Variants in HDAC9 observed in about 807,000 individuals in gnomAD.
HDAC9 encodes the protein MEF-2 interacting transcription repressor (MITR) protein.
HDAC9 carries 41 observed loss-of-function variants against 139.4 expected under a neutral mutation model. That is an observed-to-expected ratio of 0.29 (90% CI 0.23 to 0.38). The LOEUF (loss-of-function observed/expected upper bound fraction) is 0.38, where lower values mean the gene tolerates loss of function less well. Among genes scored for constraint, HDAC9 ranks in the 10% least tolerant of loss-of-function variants. The pLI is 1.00. For synonymous variants in HDAC9, 517 were observed against 476.2 expected, an observed-to-expected ratio of 1.09 and a Z score of -1.12; for missense variants, 1,147 against 1,297.0, an observed-to-expected ratio of 0.88 and a Z score of 1.78.
intron 6 of HDAC9, among the ~76,000 whole-genome samples, chr7:18,622,289 T>C (rs1260790222): frequency 6.6e-6 from 1 of 152,172 alleles, no homozygotes; most frequent in Non-Finnish European, 1.5e-5. Flanking sequence ...AATCATTGTA[T>C]ATCCCAAATA....
chr7:18,932,182 T>A (rs1435342951), intron 22 of HDAC9, among the ~76,000 whole-genome samples: 2 of 152,140 alleles, frequency 1.3e-5, no homozygotes, highest in Non-Finnish European at 2.9e-5. Flanking sequence ...GATTTAAAAA[T>A]TAAAATTTTT....
At chr7:18,646,367 TG>T (rs923012147) in intron 9 of HDAC9, among the ~76,000 whole-genome samples, 34 of 152,176 alleles carry the variant, frequency 2.2e-4, no homozygotes, top group Non-Finnish European at 4.7e-4. Flanking sequence ...TAATACGATT[TG>T]GTACCATTGG....
chr7:18,315,790 T>C (rs1799598221), intron 1 of HDAC9, among the ~76,000 whole-genome samples: 1 of 152,330 alleles, frequency 6.6e-6, no homozygotes. Flanking sequence ...ACTTTCTTCC[T>C]GGACAGATCC....
chr7:18,399,341 GA>G (rs966493935), intron 1 of HDAC9, among the ~76,000 whole-genome samples: 167 of 151,544 alleles, frequency 1.1e-3, no homozygotes, highest in African/African-American at 3.8e-3. Context: ...GTCACAAAAA[GA>G]AAAAAAATGA....
chr7:18,498,616 T>A (rs555911386), intron 2 of HDAC9, among the ~76,000 whole-genome samples: 13 of 152,182 alleles, frequency 8.5e-5, no homozygotes, highest in Non-Finnish European at 1.5e-4. Context: ...GTCTTTGGAT[T>A]TGAAAGAGAG....
intron 1 of HDAC9, among the ~76,000 whole-genome samples, chr7:18,383,742 T>C (rs1190508942): frequency 6.6e-6 from 1 of 150,744 alleles, no homozygotes; most frequent in East Asian, 1.9e-4. Context: ...TACAAAAAAT[T>C]AGCCGGCGTG....
Position 18,993,141 on chromosome 7 carries a change from T to TAG in HDAC9, c.3171-2882_3171-2881insAG, listed in dbSNP as rs1786130124. ...ATCTTTTTTAAAAATGTAGACATAT[T>TAG]TTTTGATTATATGAAGATAATGCCA... On this transcript the variant is annotated intron_variant, in intron 25 of 25. Transcript: ENST00000686413. Among the ~76,000 whole-genome samples the TAG allele has an allele frequency of 3.1e-4, 7 of 22,550 alleles. No homozygotes were observed. In the South Asian group the frequency reaches 4.3e-3, roughly 14 times the overall value. 14.8% of individuals were successfully genotyped at this position (22,550 alleles called of 152,430 possible).
At chr7:18,372,630 A>G (rs1289490956) in intron 1 of HDAC9, among the ~76,000 whole-genome samples, 1 of 152,206 alleles carries the variant, frequency 6.6e-6, no homozygotes, top group African/African-American at 2.4e-5. Context: ...ATTTTCTGCA[A>G]ATTTTTAAAC....
intron 1 of HDAC9, among the ~76,000 whole-genome samples, chr7:18,390,470 T>A (rs1195018289): frequency 6.6e-6 from 1 of 152,198 alleles, no homozygotes; most frequent in Admixed American, 6.5e-5. Flanking sequence ...CTGTTTTTCC[T>A]TCCTGTCACA....
intron 1 of HDAC9, among the ~76,000 whole-genome samples, chr7:18,356,429 T>A (rs963723345): frequency 7.5e-6 from 1 of 133,598 alleles, no homozygotes; most frequent in South Asian, 2.6e-4. Flanking sequence ...GAATGCCCAG[T>A]TGTTTCAGAT....
chr7:18,946,959 T>C (rs1382153812), intron 23 of HDAC9, among the ~76,000 whole-genome samples: 5 of 152,054 alleles, frequency 3.3e-5, no homozygotes, highest in Non-Finnish European at 5.9e-5. Flanking sequence ...TCATACATAG[T>C]ATAATTTCTT....
At chr7:18,137,763 T>A (rs1461392261) in intron 1 of HDAC9, among the ~76,000 whole-genome samples, 3 of 152,162 alleles carry the variant, frequency 2.0e-5, no homozygotes, top group Non-Finnish European at 2.9e-5. Context: ...GGTCTAAAAT[T>A]CTCTTTTTTG....
chr7:18,868,008 T>C (rs985630182), intron 21 of HDAC9, among the ~76,000 whole-genome samples: 1 of 152,232 alleles, frequency 6.6e-6, no homozygotes, highest in Non-Finnish European at 1.5e-5. Context: ...TGTCTTTGTT[T>C]CAAGGCTAAA....
intron 2 of HDAC9, among the ~76,000 whole-genome samples, chr7:18,545,214 G>C (rs1814384666): frequency 6.6e-6 from 1 of 152,100 alleles, no homozygotes; most frequent in Non-Finnish European, 1.5e-5. Context: ...AGTGGCATCT[G>C]TCAAGCACTA....
At chr7:18,349,021 GTCCAC>G (rs1782642633) in intron 1 of HDAC9, among the ~76,000 whole-genome samples, 1 of 152,004 alleles carries the variant, frequency 6.6e-6, no homozygotes, top group African/African-American at 2.4e-5. Context: ...CCCAAGTTCT[GTCCAC>G]TATAAGCTAT....
At chr7:18,731,111 G>A (rs184922863) in intron 13 of HDAC9, among the ~76,000 whole-genome samples, 285 of 152,164 alleles carry the variant, frequency 1.9e-3, no homozygotes, top group African/African-American at 6.1e-3. Context: ...AGAATGATGC[G>A]CAATTTAAAA....
intron 12 of HDAC9, among the ~76,000 whole-genome samples, chr7:18,707,339 G>A (rs187981572): frequency 6.6e-6 from 1 of 152,204 alleles, no homozygotes; most frequent in African/African-American, 2.4e-5. Context: ...AGTGATGGAG[G>A]ATAGATTGTC....
At chr7:18,113,845 G>T (rs374544726) in intron 1 of HDAC9, among the ~76,000 whole-genome samples, 2 of 152,046 alleles carry the variant, frequency 1.3e-5, no homozygotes, top group Admixed American at 1.3e-4. Context: ...AATCTTTTCA[G>T]ATCTATTTTC....
Position 18,583,220 on chromosome 7 carries a change from A to G in HDAC9, c.23-2061A>G, listed in dbSNP as rs1276579907. 2.0e-5 allele frequency among the ~76,000 whole-genome samples: 3 copies of G among 152,218 alleles called. No homozygotes were observed. In the East Asian group the frequency reaches 5.8e-4, roughly 29 times the overall value. On this transcript the variant is annotated intron_variant, in intron 2 of 25. Transcript: ENST00000686413. Reference sequence around the variant, plus strand: ...ATATAATAAAAAAGCAAAAACAAACATCTGTTAAGGGCTGTGCTACATGCT... The same window carrying G: ...ATATAATAAAAAAGCAAAAACAAACGTCTGTTAAGGGCTGTGCTACATGCT...
Sources: allele counts gnomAD v4.1 joint callset (sites outside exome capture counted in the v4.1 genomes callset), GRCh38; gene constraint gnomAD v4.1.1; transcripts MANE v1.5; gene names NCBI Gene and HGNC (gene_info 2026-07-23, HGNC 2026-07-21).